SMS: variants seen among roughly 807,000 people sequenced by gnomAD.
The protein encoded by SMS is spermine synthase, also known as spermidine aminopropyltransferase.
Under a neutral mutation model 33.0 loss-of-function variants are expected in SMS, and 3 were observed. That is an observed-to-expected ratio of 0.09 (90% CI 0.04 to 0.23). The LOEUF (loss-of-function observed/expected upper bound fraction) is 0.23. Ranked by LOEUF, SMS falls within the 10% of genes least tolerant of loss-of-function variation. The pLI is 1.00. For synonymous variants in SMS, 103 were observed against 112.2 expected (o/e 0.92, Z 0.52); for missense variants, 117 against 288.6 (o/e 0.41, Z 4.31).
At chrX:21,969,783 CAAA>C (rs1223048530) in intron 2 of SMS, among the ~76,000 whole-genome samples, 2 of 112,652 alleles carry the variant, frequency 1.8e-5, no homozygotes, top group African/African-American at 6.4e-5. Flanking sequence ...TAAACAAAAA[CAAA>C]AACCCCAAAT....
chrX:21,974,176 G>A (rs911828273), intron 4 of SMS, among the ~76,000 whole-genome samples: 1 of 112,611 alleles, frequency 8.9e-6, no homozygotes, highest in Non-Finnish European at 1.9e-5. Flanking sequence ...GTGTTAGGAT[G>A]TTTAAGTACT....
At chrX:21,945,616 CAT>C (rs1376867879) in intron 1 of SMS, among the ~76,000 whole-genome samples, 1 of 103,189 alleles carries the variant, frequency 9.7e-6, no homozygotes, top group Non-Finnish European at 2.0e-5. Context: ...GGTATGGTAA[CAT>C]GTGCTTTGCT....
chrX:21,955,862 G>C (rs1922937748), intron 1 of SMS, among the ~76,000 whole-genome samples: 1 of 112,013 alleles, frequency 8.9e-6, no homozygotes, highest in Non-Finnish European at 1.9e-5. Context: ...CCAGATGAAA[G>C]GCAGGCTTTA....
At chrX:21,948,077 G>T (rs1275415611) in intron 1 of SMS, among the ~76,000 whole-genome samples, 1 of 111,558 alleles carries the variant, frequency 9.0e-6, no homozygotes. Context: ...ACTCCAGGCT[G>T]AATAACCTCA....
In SMS at chrX:21,985,348, C is replaced by G. The variant is rs780345395; in HGVS notation, c.945+125C>G. 1.7e-5 allele frequency: 8 copies of G among 470,655 alleles called. No individual in the cohort carries two copies. The African/African-American group carries it at 1.9e-4, about 11-fold the overall frequency. 38.8% of individuals were successfully genotyped at this position (470,655 alleles called of 1,213,427 possible). ...GCGGCATCATCGGATTATGTTCTTT[C>G]AAACAGTAAGCTTCTACGTTGACCT... On this transcript the variant is annotated intron_variant, in intron 9 of 10. Transcript: ENST00000404933.
At chrX:21,980,812 T>G (rs1602214819) in intron 7 of SMS, among the ~76,000 whole-genome samples, 1 of 111,834 alleles carries the variant, frequency 8.9e-6, no homozygotes, top group East Asian at 2.8e-4. Context: ...GATAAAGTGA[T>G]TGGATAAAGC....
chrX:21,949,246 GC>G (rs1353733822), intron 1 of SMS, among the ~76,000 whole-genome samples: 3 of 112,294 alleles, frequency 2.7e-5, no homozygotes, highest in Non-Finnish European at 3.8e-5. Context: ...CCATGAAGGT[GC>G]TAATGATACT....
chrX:21,943,912 C>G (rs755133928), intron 1 of SMS, among the ~76,000 whole-genome samples: 118 of 111,747 alleles, frequency 1.1e-3, no homozygotes, highest in Non-Finnish European at 2.0e-3. Context: ...AGGCATTACT[C>G]TTGGCATGTG....
At chrX:21,960,001 C>T (rs1455841028) in intron 1 of SMS, 60 of 641,729 alleles carry the variant, frequency 9.3e-5, no homozygotes, top group South Asian at 1.6e-4. Context: ...TAAGCATGGG[C>T]GGGGAAGGCG....
intron 7 of SMS, among the ~76,000 whole-genome samples, chrX:21,980,424 AAAAAAATAT>A (rs1569352522): frequency 1.2e-5 from 1 of 85,201 alleles, no homozygotes; most frequent in Non-Finnish European, 2.4e-5. Context: ...CCAAAAAAAA[AAAAAAATAT>A]ATATATATAT....
At chrX:21,960,141 G>A (rs1457363653) in intron 1 of SMS, among the ~76,000 whole-genome samples, 1 of 111,361 alleles carries the variant, frequency 9.0e-6, no homozygotes, top group East Asian at 2.8e-4. Flanking sequence ...TGCTGGAGCA[G>A]TAGGTGGGCT....
chrX:21,979,004 A>G, intron 7 of SMS, 38 bp downstream of exon 7: 2 of 952,172 alleles, frequency 2.1e-6, no homozygotes, highest in Non-Finnish European at 3.0e-6. Context: ...TAAGTGAACT[A>G]ATAATATAAG....
chrX:21,954,628 A>G (rs1405146807), intron 1 of SMS, among the ~76,000 whole-genome samples: 1 of 111,684 alleles, frequency 9.0e-6, no homozygotes. Context: ...GGCCCAGTTG[A>G]ATGTGGTCTT....
At chrX:21,992,513 G>A (rs757094162) in intron 9 of SMS, 84 bp from the exon 10 acceptor site, 3 of 574,578 alleles carry the variant, frequency 5.2e-6, no homozygotes, top group African/African-American at 2.2e-5. Context: ...AGCTAGAATT[G>A]TTCTCCTTTA....
At chrX:21,967,162 C>A in intron 1 of SMS, 34 bp from the exon 2 acceptor site, 1 of 1,205,732 alleles carries the variant, frequency 8.3e-7, no homozygotes, top group Non-Finnish European at 1.1e-6. Flanking sequence ...ACGTTTCTTT[C>A]TGACCATCTT....
chrX:21,993,965 T>A (rs1179149771), intron 10 of SMS, among the ~76,000 whole-genome samples: 1 of 106,449 alleles, frequency 9.4e-6, no homozygotes, highest in Non-Finnish European at 1.9e-5. Flanking sequence ...TATCTCCCGC[T>A]ACCCTAACTT....
At position 21,986,347 on chromosome X, in the gene SMS, C is replaced by CA. The variant is rs57792709; in HGVS notation, c.945+1152dup. On this transcript the variant is annotated intron_variant, in intron 9 of 10. Transcript: ENST00000404933. ...TGGGCCATAGAGCAAGACTACATCT[C>CA]AAAAAAAAAAAAAAAAAAAAAAAAA... Among the ~76,000 whole-genome samples the CA allele has an allele frequency of 1.5e-3, 49 of 33,233 alleles. 3 individuals carry two copies. Among genetic ancestry groups the CA allele is most frequent in the Admixed American group, 2.2e-3 (4 of 1,822 alleles). The allele number at this position is 33,233 out of a possible 115,157, so 28.9% of individuals were successfully genotyped here.
intron 1 of SMS, among the ~76,000 whole-genome samples, chrX:21,944,522 C>CAAAAAAAAAAA (rs777680386): frequency 4.9e-4 from 17 of 34,699 alleles, no homozygotes; most frequent in East Asian, 1.0e-3. Flanking sequence ...CCTGTCTCTA[C>CAAAAAAAAAAA]AAAAAAAAAA....
At chrX:21,941,884 C>CAAAAAAAAAAAA (rs760394146) in intron 1 of SMS, among the ~76,000 whole-genome samples, 2 of 19,569 alleles carry the variant, frequency 1.0e-4, no homozygotes, top group Non-Finnish European at 9.6e-5. Flanking sequence ...GACCCTGTCT[C>CAAAAAAAAAAAA]AAAAAAAAAA....
Sources: gnomAD v4.1 joint callset for allele counts (sites outside exome capture counted in the v4.1 genomes callset) on GRCh38, gnomAD v4.1.1 for gene constraint, MANE v1.5 for transcripts, NCBI Gene and HGNC (gene_info 2026-07-23, HGNC 2026-07-21) for gene names.